NLRP4: variants seen among roughly 807,000 people sequenced by gnomAD.
NLRP4 encodes NACHT, LRR and PYD domains-containing protein 4.
A neutral mutation model predicts 84.7 loss-of-function variants in NLRP4; 44 were observed. The observed-to-expected ratio is 0.52, with a 90% CI of 0.41 to 0.67. The LOEUF (loss-of-function observed/expected upper bound fraction) is 0.67. NLRP4 is among the 30% of genes least tolerant of loss of function. NLRP4 has a pLI of 0.00. For missense variants in NLRP4, 1,260 were observed against 1,219.4 expected (o/e 1.03, Z -0.50); for synonymous variants, 544 against 476.4 (o/e 1.14, Z -1.85).
At chr19:55,861,817 A>T (rs948331508) in intron 4 of NLRP4, among the ~76,000 whole-genome samples, 175 bp from the exon 5 acceptor site, 1 of 152,208 alleles carries the variant, frequency 6.6e-6, no homozygotes, top group Non-Finnish European at 1.5e-5. Flanking sequence ...GTGTCCAGAC[A>T]CTGCCAGCTG....
In NLRP4 at chr19:55,857,780, A is replaced by G. The variant is rs2123032104; in HGVS notation, c.387A>G (p.Gln129=). 1 of 1,614,148 alleles carries G rather than the reference A, an allele frequency of 6.2e-7. No individual in the cohort carries two copies. The highest frequency in any genetic ancestry group is 8.5e-7 in the Non-Finnish European group (1 of 1,179,988). ...TATACTTTGAGGAGGAAGTCAAGCA[A>G]GAAGAATGTGACCATTTGGACCGCC... The part of the protein sequence containing the change: ...IHLYFEEEVK[Q]EECDHLDRLF... Residue 129 remains glutamine (Q), a synonymous_variant, in exon 3 of 10, where the codon CAA becomes CAG. Transcript: ENST00000301295.
In NLRP4 at chr19:55,836,905, G is replaced by C. The variant is rs966920814; in HGVS notation, c.-95G>C. 6.6e-6 allele frequency: 1 copy of C among 151,814 alleles called. No homozygotes were observed. The highest frequency in any genetic ancestry group is 1.5e-5 in the Non-Finnish European group (1 of 68,006). 9.4% of individuals were successfully genotyped at this position (151,814 alleles called of 1,614,324 possible). A position where few individuals can be genotyped will look rare whatever the true frequency, so the allele number is the denominator to read the frequency against. On this transcript the variant is annotated 5_prime_UTR_variant, in exon 1 of 10. Transcript: ENST00000301295. Reference sequence around the variant, plus strand: ...CATCTCTGTTGACACAAACATGTAGGAGAAGCTGGAGAACATAGACAGGGA... The same window carrying C: ...CATCTCTGTTGACACAAACATGTAGCAGAAGCTGGAGAACATAGACAGGGA...
intron 2 of NLRP4, among the ~76,000 whole-genome samples, chr19:55,853,415 C>A (rs1273568303): frequency 5.3e-5 from 8 of 152,162 alleles, no homozygotes; most frequent in Non-Finnish European, 1.5e-5. Flanking sequence ...TTGTTTGACA[C>A]AGGGTCTGGC....
Position 55,858,429 on chromosome 19 carries a change from A to G in NLRP4, c.1036A>G (p.Ile346Val), listed in dbSNP as rs1176704838. 6.2e-7 allele frequency: 1 copy of G among 1,613,998 alleles called. No individual in the cohort carries two copies. Among genetic ancestry groups the G allele is most frequent in the African/African-American group, 1.3e-5 (1 of 74,910 alleles). ...SICQIPLLCWILCTSLKQEMQ... is the reference protein window; with the variant it reads ...SICQIPLLCWVLCTSLKQEMQ... ...ATGCCAAATCCCGCTCCTCTGCTGG[A>G]TCCTGTGTACCAGTCTGAAGCAAGA... The change falls in exon 3 of 10, where the codon ATC becomes GTC. Residue 346 changes from isoleucine to valine, a missense_variant. By Grantham distance (29) the Ile-to-Val change is conservative. This residue lies in a region of NLRP4 where 712 missense variants were observed against 669.2 expected (regional missense o/e 1.06). Transcript: ENST00000301295. The surrounding 1 kb of genome is among the most constrained non-coding windows in gnomAD (Gnocchi z 4.2).
rs771993722 is a variant in NLRP4 at position 55,858,077 on chromosome 19, C to T, written c.684C>T (p.Phe228=). The change falls in exon 3 of 10, where the codon TTC becomes TTT. Residue 228 remains phenylalanine, a synonymous_variant. Coordinates refer to ENST00000301295, the MANE Select transcript of NLRP4 (RefSeq NM_134444.5). This position sits in a 1 kb window ranked among gnomAD's most constrained non-coding sequence, Gnocchi z 4.2. ...EIVSQPERLL[F]VIDSFEELQG... ...TGTCTCAACCGGAGAGACTCTTGTTCGTCATCGACAGCTTCGAAGAGCTGC... is the reference window on the plus strand; with the variant it reads ...TGTCTCAACCGGAGAGACTCTTGTTTGTCATCGACAGCTTCGAAGAGCTGC... The T allele has an allele frequency of 2.7e-5, 43 of 1,614,154 alleles. No individual in the cohort carries two copies. The highest frequency in any genetic ancestry group is 3.3e-4 in the Middle Eastern group (2 of 6,062).
At position 55,857,943 on chromosome 19, in the gene NLRP4, T is replaced by C. The variant is rs761122102; in HGVS notation, c.550T>C (p.Tyr184His). ...DNKIFRDRFL[Y>H]TFYFCCRELR... ...CAAGATCTTTCGGGATAGGTTCCTG[T>C]ACACGTTCTATTTCTGCTGCAGAGA... Residue 184 changes from tyrosine to histidine, a missense_variant, in exon 3 of 10, where the codon TAC becomes CAC. By Grantham distance (83) the Tyr-to-His change is moderately conservative (BLOSUM62 2). Around this residue, in one of 3 missense-constraint regions of NLRP4, gnomAD observed 712 missense variants for 669.2 expected, o/e 1.06. Transcript: ENST00000301295. 2.5e-5 allele frequency: 40 copies of C among 1,614,188 alleles called. No homozygotes were observed. In the African/African-American group the frequency reaches 4.1e-4, roughly 17 times the overall value.
At chr19:55,850,546 TG>T (rs1461446906) in intron 1 of NLRP4, among the ~76,000 whole-genome samples, 3 of 67,238 alleles carry the variant, frequency 4.5e-5, no homozygotes, top group Non-Finnish European at 2.6e-5. Flanking sequence ...TGCGGTGTAA[TG>T]TCCGTGGCTG....
intron 5 of NLRP4, among the ~76,000 whole-genome samples, chr19:55,867,295 G>A (rs1471461800): frequency 6.7e-6 from 1 of 150,054 alleles, no homozygotes; most frequent in African/African-American, 2.5e-5. Context: ...CCCAGAGACC[G>A]TAAGCCAAGT....
chr19:55,876,611 C>T (rs564188617), intron 7 of NLRP4, among the ~76,000 whole-genome samples: 4 of 152,118 alleles, frequency 2.6e-5, no homozygotes, highest in Non-Finnish European at 5.9e-5. Flanking sequence ...GATCCACCCA[C>T]CTCAGCCTCC....
At chr19:55,840,607 C>T (rs542682373) in intron 1 of NLRP4, among the ~76,000 whole-genome samples, 1 of 152,246 alleles carries the variant, frequency 6.6e-6, no homozygotes, top group East Asian at 1.9e-4. Flanking sequence ...ACCATGTTAG[C>T]CAGGCTGGTC....
chr19:55,858,443 T>A lies in NLRP4; in HGVS notation c.1050T>A (p.Ser350Arg), dbSNP rs1984555823. The change falls in exon 3 of 10, where the codon AGT (serine) becomes AGA (arginine). Residue 350 changes from serine (S) to arginine (R), a missense_variant. Ser to Arg is a moderately radical substitution (Grantham distance 110, BLOSUM62 -1). Around this residue, in one of 3 missense-constraint regions of NLRP4, gnomAD observed 712 missense variants for 669.2 expected, o/e 1.06. Transcript: ENST00000301295. This position sits in a 1 kb window ranked among gnomAD's most constrained non-coding sequence, Gnocchi z 4.2. ...IPLLCWILCT[S>R]LKQEMQKGKD... ...TCCTCTGCTGGATCCTGTGTACCAG[T>A]CTGAAGCAAGAGATGCAGAAAGGAA... is the stretch of plus-strand genomic sequence containing the variant. 2 of 1,613,932 alleles carry A rather than the reference T, an allele frequency of 1.2e-6. No homozygotes were observed. The highest frequency in any genetic ancestry group is 2.2e-5 in the South Asian group (2 of 91,086).
At chr19:55,875,386 CA>C (rs1169225173) in intron 7 of NLRP4, among the ~76,000 whole-genome samples, 1 of 152,086 alleles carries the variant, frequency 6.6e-6, no homozygotes, top group Non-Finnish European at 1.5e-5. Flanking sequence ...AACAATATAT[CA>C]AAAACAGTTA....
intron 2 of NLRP4, among the ~76,000 whole-genome samples, chr19:55,855,326 CT>C (rs1984368772): frequency 6.6e-6 from 1 of 152,240 alleles, no homozygotes; most frequent in South Asian, 2.1e-4. Flanking sequence ...ACTTACACTT[CT>C]CTCTTTTCAC....
chr19:55,846,293 G>A (rs1983790176), intron 1 of NLRP4, among the ~76,000 whole-genome samples: 2 of 152,150 alleles, frequency 1.3e-5, no homozygotes, highest in Non-Finnish European at 1.5e-5. Flanking sequence ...TTTCCCCATT[G>A]CTTGTTTTTG....
chr19:55,858,736 A>G lies in NLRP4; in HGVS notation c.1343A>G (p.Tyr448Cys), dbSNP rs749016477. The G allele has an allele frequency of 3.1e-6, 5 of 1,614,132 alleles. No individual in the cohort carries two copies. Among genetic ancestry groups the G allele is most frequent in the Non-Finnish European group, 4.2e-6 (5 of 1,179,992 alleles). The change falls in exon 3 of 10, where the codon TAC (tyrosine) becomes TGC (cysteine). Residue 448 changes from tyrosine (Y) to cysteine (C), a missense_variant. By Grantham distance (194) the Tyr-to-Cys change is radical. Coordinates refer to ENST00000301295, the MANE Select transcript of NLRP4 (RefSeq NM_134444.5). This position sits in a 1 kb window ranked among gnomAD's most constrained non-coding sequence, Gnocchi z 4.2. ...AAGTACGGGGAGCGTGAGAGCTCCTACGTGTTCCTCCACGTGTGTATCCAG... is the reference window on the plus strand; with the variant it reads ...AAGTACGGGGAGCGTGAGAGCTCCTGCGTGTTCCTCCACGTGTGTATCCAG... ...LLKYGERESSYVFLHVCIQEF... is the reference protein window; with the variant it reads ...LLKYGERESSCVFLHVCIQEF...
rs1174475821 is a variant in NLRP4 at position 55,850,589 on chromosome 19, C to A, written c.-65-1427C>A. 3.8e-4 allele frequency among the ~76,000 whole-genome samples: 33 copies of A among 86,436 alleles called. 1 individual carries two copies. The highest frequency in any genetic ancestry group is 1.7e-3 in the East Asian group (6 of 3,514). 56.7% of individuals were successfully genotyped at this position (86,436 alleles called of 152,430 possible). A position where few individuals can be genotyped will look rare whatever the true frequency, so the allele number is the denominator to read the frequency against. On this transcript the variant is annotated intron_variant, in intron 1 of 9. Transcript: ENST00000301295. ...AATGTCCGTGGCTGCGGTGTAATTT[C>A]CGTGGCTGCGGTGTAATTTACGAGG...
chr19:55,856,995 A>T lies in NLRP4; in HGVS notation c.281-679A>T, dbSNP rs564889947. 3.9e-5 allele frequency among the ~76,000 whole-genome samples: 6 copies of T among 152,312 alleles called. No homozygotes were observed. In the East Asian group the frequency reaches 1.2e-3, roughly 29 times the overall value. On this transcript the variant is annotated intron_variant, in intron 2 of 9. Coordinates refer to ENST00000301295, the MANE Select transcript of NLRP4 (RefSeq NM_134444.5). ...AGGTGGACTTTCAGATCTAGTCCCT[A>T]TATGTGAAACCTATATGTGTATATA...
intron 1 of NLRP4, among the ~76,000 whole-genome samples, chr19:55,841,052 G>A (rs907948341): frequency 6.6e-6 from 1 of 152,176 alleles, no homozygotes; most frequent in African/African-American, 2.4e-5. Context: ...ATGGGATACA[G>A]TGTGATGTTT....
At chr19:55,859,899 G>A (rs1182557910) in intron 3 of NLRP4, among the ~76,000 whole-genome samples, 1 of 119,140 alleles carries the variant, frequency 8.4e-6, no homozygotes, top group African/African-American at 3.3e-5. Context: ...TGCCCTCCAG[G>A]CTGGGTGACA....
Sources: allele counts gnomAD v4.1 joint callset (sites outside exome capture counted in the v4.1 genomes callset), GRCh38; gene constraint gnomAD v4.1.1; regional missense constraint gnomAD v4.1.1; non-coding constraint Gnocchi (gnomAD v3.1); transcripts MANE v1.5; gene names NCBI Gene and HGNC (gene_info 2026-07-23, HGNC 2026-07-21).